SPRY3: variants seen among roughly 807,000 people sequenced by gnomAD.
SPRY3 encodes sprouty RTK signaling antagonist 3, also known as protein sprouty homolog 3.
A neutral mutation model predicts 20.2 loss-of-function variants in SPRY3; 15 were observed. The observed-to-expected ratio is 0.74, with a 90% CI of 0.50 to 1.14. The LOEUF is 1.14. Among genes scored for constraint, SPRY3 ranks in the 50% most tolerant of loss-of-function variants. The pLI, the probability that SPRY3 is intolerant of heterozygous loss-of-function variation, is 0.00. For missense variants in SPRY3, 364 were observed against 363.9 expected, an observed-to-expected ratio of 1.00 and a Z score of 0.00; for synonymous variants, 143 against 136.5, an observed-to-expected ratio of 1.05 and a Z score of -0.33.
At chrX:155,711,155 T>G (rs1348670296) in intron 2 of SPRY3, among the ~76,000 whole-genome samples, 1 of 151,878 alleles carries the variant, frequency 6.6e-6, no homozygotes, top group Non-Finnish European at 1.5e-5. Context: ...AGTTTTGATA[T>G]CAGAGTAACA....
intron 2 of SPRY3, among the ~76,000 whole-genome samples, chrX:155,767,007 A>C (rs904032621): frequency 7.9e-5 from 12 of 152,162 alleles, no homozygotes; most frequent in Non-Finnish European, 1.5e-4. Flanking sequence ...GTAGATTGGT[A>C]GAAATGTGAT....
At chrX:155,769,786 G>T (rs778705230) in intron 3 of SPRY3, among the ~76,000 whole-genome samples, 1 of 152,184 alleles carries the variant, frequency 6.6e-6, no homozygotes, top group Non-Finnish European at 1.5e-5. Context: ...GACAAGTTAA[G>T]AGTTAAATGT....
intron 1 of SPRY3, among the ~76,000 whole-genome samples, chrX:155,649,209 A>G (rs1176804601): frequency 8.9e-6 from 1 of 111,959 alleles, no homozygotes; most frequent in East Asian, 2.8e-4. Context: ...AACTGGTACC[A>G]TTCCTTTTGA....
intron 1 of SPRY3, among the ~76,000 whole-genome samples, chrX:155,647,983 T>C (rs2067963106): frequency 8.9e-6 from 1 of 111,928 alleles, no homozygotes; most frequent in African/African-American, 3.3e-5. Context: ...CCTGACTTTT[T>C]AATGATCGCC....
chrX:155,641,551 CG>C (rs1240652675), intron 1 of SPRY3, among the ~76,000 whole-genome samples: 1 of 115,087 alleles, frequency 8.7e-6, no homozygotes, highest in African/African-American at 3.1e-5. Flanking sequence ...GGTCCTGGGC[CG>C]GTAGCCAGTG....
intron 1 of SPRY3, among the ~76,000 whole-genome samples, chrX:155,650,098 G>A (rs2067971872): frequency 9.0e-6 from 1 of 111,323 alleles, no homozygotes; most frequent in South Asian, 3.8e-4. Flanking sequence ...CACTGCTCGA[G>A]GAAATAAGAG....
chrX:155,708,895 A>G (rs2090969062), intron 2 of SPRY3, among the ~76,000 whole-genome samples: 1 of 151,246 alleles, frequency 6.6e-6, no homozygotes, highest in Non-Finnish European at 1.5e-5. Context: ...TTTCCCTATT[A>G]ACGACTACAA....
intron 2 of SPRY3, among the ~76,000 whole-genome samples, chrX:155,714,516 T>C (rs937697942): frequency 6.6e-6 from 1 of 152,150 alleles, no homozygotes; most frequent in Non-Finnish European, 1.5e-5. Flanking sequence ...CCCAAACATA[T>C]GGCATCTCTT....
intron 2 of SPRY3, among the ~76,000 whole-genome samples, chrX:155,668,834 C>G (rs782588231): frequency 1.3e-4 from 14 of 110,648 alleles, no homozygotes; most frequent in Non-Finnish European, 2.3e-4. Context: ...ACTATCGGCT[C>G]TTAGGATATT....
At chrX:155,659,711 G>A (rs1557353472) in intron 2 of SPRY3, among the ~76,000 whole-genome samples, 1 of 111,395 alleles carries the variant, frequency 9.0e-6, no homozygotes, top group Non-Finnish European at 1.9e-5. Flanking sequence ...TTCACTACTG[G>A]TTGTTGGTCT....
intron 2 of SPRY3, among the ~76,000 whole-genome samples, chrX:155,719,196 C>T (rs946756487): frequency 1.3e-5 from 2 of 152,070 alleles, no homozygotes; most frequent in African/African-American, 2.4e-5. Flanking sequence ...CATTGAGTTT[C>T]GTGCTGTCCT....
rs141152265 is a variant in SPRY3 at position 155,768,730 on chromosome X, G to C, written c.-107+594G>C. On this transcript the variant is annotated intron_variant, in intron 3 of 3. Transcript: ENST00000675360. ...CCTGGGTACGTGTGCACATGTCTCT[G>C]TGTGGCATATGGAGATTCTGTCAAA... Among the ~76,000 whole-genome samples, 35 of 152,324 alleles carry C rather than the reference G, an allele frequency of 2.3e-4. No individual in the cohort carries two copies. The East Asian group carries it at 6.2e-3, about 27-fold the overall frequency.
chrX:155,748,106 C>T (rs1368174637), intron 2 of SPRY3, among the ~76,000 whole-genome samples: 1 of 151,772 alleles, frequency 6.6e-6, no homozygotes, highest in Admixed American at 6.6e-5. Flanking sequence ...ATTACATTTG[C>T]CATCCTATTC....
chrX:155,727,366 GA>G (rs918168014), intron 2 of SPRY3, among the ~76,000 whole-genome samples: 1 of 152,146 alleles, frequency 6.6e-6, no homozygotes, highest in African/African-American at 2.4e-5. Context: ...CTAGGTTGGG[GA>G]AGTTCTCCTG....
intron 2 of SPRY3, among the ~76,000 whole-genome samples, chrX:155,727,910 G>A (rs970866899): frequency 6.6e-6 from 1 of 152,126 alleles, no homozygotes; most frequent in Non-Finnish European, 1.5e-5. Flanking sequence ...CAGCTTTTCT[G>A]CTCTGGTTTC....
intron 2 of SPRY3, among the ~76,000 whole-genome samples, chrX:155,662,653 C>T (rs1361375823): frequency 1.1e-5 from 1 of 92,248 alleles, no homozygotes; most frequent in Non-Finnish European, 2.1e-5. Context: ...TTCTAAAAGA[C>T]CTGCTTGCCA....
intron 2 of SPRY3, among the ~76,000 whole-genome samples, chrX:155,708,759 CT>C (rs1388153722): frequency 1.3e-5 from 2 of 151,372 alleles, no homozygotes; most frequent in African/African-American, 2.4e-5. Context: ...TAATTATACT[CT>C]TTTTAGTTAT....
chrX:155,727,980 T>G (rs2091109708), intron 2 of SPRY3, among the ~76,000 whole-genome samples: 1 of 152,176 alleles, frequency 6.6e-6, no homozygotes, highest in Non-Finnish European at 1.5e-5. Context: ...GGGGTTTTGG[T>G]GTGGATGTCC....
intron 2 of SPRY3, among the ~76,000 whole-genome samples, chrX:155,700,563 T>G: frequency 9.8e-6 from 1 of 101,524 alleles, no homozygotes; most frequent in Non-Finnish European, 2.0e-5. Flanking sequence ...ATAAACAAAA[T>G]GTGGCATATA....
Sources: gnomAD v4.1 joint callset for allele counts (sites outside exome capture counted in the v4.1 genomes callset) on GRCh38, gnomAD v4.1.1 for gene constraint, MANE v1.5 for transcripts, NCBI Gene and HGNC (gene_info 2026-07-23, HGNC 2026-07-21) for gene names.